The following TLK1 variants were observed in gnomAD, a reference collection of about 807,000 sequenced individuals.
The protein encoded by TLK1 is tousled like kinase 1, also known as serine/threonine-protein kinase tousled-like 1.
Under a neutral mutation model 105.3 loss-of-function variants are expected in TLK1, and 24 were observed. That is an observed-to-expected ratio of 0.23 (90% CI 0.17 to 0.32). The LOEUF (loss-of-function observed/expected upper bound fraction) is 0.32. Ranked by LOEUF, TLK1 falls within the 10% of genes least tolerant of loss-of-function variation. TLK1 has a pLI of 1.00. For synonymous variants in TLK1, 321 were observed against 310.4 expected (o/e 1.03, Z -0.36); for missense variants, 558 against 910.5 (o/e 0.61, Z 4.98).
chr2:171,110,473 TAAAC>T (rs975866723), intron 2 of TLK1, among the ~76,000 whole-genome samples: 21 of 152,058 alleles, frequency 1.4e-4, no homozygotes, highest in African/African-American at 2.4e-4. Context: ...CTCAAAAAAA[TAAAC>T]AAACAGAAAA....
At chr2:171,115,914 T>A (rs900254019) in intron 2 of TLK1, among the ~76,000 whole-genome samples, 3 of 152,342 alleles carry the variant, frequency 2.0e-5, no homozygotes, top group African/African-American at 7.2e-5. Context: ...AAAATTTACC[T>A]GATACAAAGA....
intron 12 of TLK1, among the ~76,000 whole-genome samples, chr2:171,020,041 GAC>G (rs967812559): frequency 6.9e-6 from 1 of 145,610 alleles, no homozygotes; most frequent in African/African-American, 2.5e-5. Flanking sequence ...CAGCCTGGGT[GAC>G]AGAGTAAGAC....
chr2:171,061,647 G>A (rs185631884), intron 3 of TLK1, among the ~76,000 whole-genome samples: 7 of 152,274 alleles, frequency 4.6e-5, no homozygotes, highest in Admixed American at 4.6e-4. Context: ...GTAAATGCCT[G>A]GCAATTATTA....
At chr2:171,209,260 T>C (rs1419353569) in intron 1 of TLK1, among the ~76,000 whole-genome samples, 6 of 152,232 alleles carry the variant, frequency 3.9e-5, no homozygotes, top group Admixed American at 6.5e-5. Flanking sequence ...GGGTTACTTA[T>C]ATGGAACAGG....
At chr2:171,020,841 TAGG>T (rs1685464580) in intron 12 of TLK1, among the ~76,000 whole-genome samples, 1 of 149,780 alleles carries the variant, frequency 6.7e-6, no homozygotes, top group African/African-American at 2.5e-5. Flanking sequence ...GGGAGAAGGG[TAGG>T]AGAAGGAGAA....
rs541568075 is a variant in TLK1, at chr2:171,177,198, G to A, written c.-6+53947C>T. ...ACTCTGTCACCCAGGCTGGAGTGCC[G>A]TGGCCCGATCACAGCTCACTGCAGC... On this transcript the variant is annotated intron_variant, in intron 1 of 20. Transcript: ENST00000521943. Among the ~76,000 whole-genome samples, 20 of 151,846 alleles carry A rather than the reference G, an allele frequency of 1.3e-4. No homozygotes were observed. In the South Asian group the frequency reaches 3.5e-3, roughly 27 times the overall value.
chr2:171,177,112 C>A (rs1692843892), intron 1 of TLK1, among the ~76,000 whole-genome samples: 1 of 151,448 alleles, frequency 6.6e-6, no homozygotes, highest in South Asian at 2.1e-4. Context: ...GGATTACAGG[C>A]ATGAGCCAGT....
chr2:171,204,952 C>CAA (rs1034407977), intron 1 of TLK1, among the ~76,000 whole-genome samples: 3 of 73,768 alleles, frequency 4.1e-5, no homozygotes, highest in African/African-American at 1.5e-4. Flanking sequence ...GACTCCGTCT[C>CAA]AAAAAAAAAA....
At chr2:171,128,816 C>T (rs1235311441) in intron 1 of TLK1, among the ~76,000 whole-genome samples, 1 of 152,008 alleles carries the variant, frequency 6.6e-6, no homozygotes, top group Non-Finnish European at 1.5e-5. Flanking sequence ...GTATTTTATA[C>T]TAGACTGCAT....
At chr2:171,078,766 TTCC>T (rs1688624015) in intron 3 of TLK1, among the ~76,000 whole-genome samples, 1 of 152,216 alleles carries the variant, frequency 6.6e-6, no homozygotes, top group South Asian at 2.1e-4. Flanking sequence ...TCTCAAGTTT[TTCC>T]TCCTAATATT....
At chr2:171,146,600 A>G (rs994032564) in intron 1 of TLK1, among the ~76,000 whole-genome samples, 1 of 152,240 alleles carries the variant, frequency 6.6e-6, no homozygotes, top group Non-Finnish European at 1.5e-5. Context: ...TCTAAGATAC[A>G]GACGTCAAGA....
At chr2:171,063,809 A>G (rs1442863234) in intron 3 of TLK1, among the ~76,000 whole-genome samples, 1 of 152,220 alleles carries the variant, frequency 6.6e-6, no homozygotes, top group African/African-American at 2.4e-5. Context: ...AGAACCATCA[A>G]AATGCTAACA....
intron 20 of TLK1, among the ~76,000 whole-genome samples, chr2:170,995,631 A>T (rs1684020243): frequency 1.3e-5 from 2 of 152,254 alleles, no homozygotes; most frequent in African/African-American, 4.8e-5. Flanking sequence ...ATGTCAGCAC[A>T]GTTAAAATAT....
intron 1 of TLK1, among the ~76,000 whole-genome samples, chr2:171,196,747 A>AT (rs1693283260): frequency 6.6e-6 from 1 of 152,196 alleles, no homozygotes; most frequent in South Asian, 2.1e-4. Context: ...TCTGGAGGCC[A>AT]TTGTCAGCCT....
chr2:171,176,140 A>T (rs1351489532), intron 1 of TLK1, among the ~76,000 whole-genome samples: 1 of 151,964 alleles, frequency 6.6e-6, no homozygotes, highest in East Asian at 1.9e-4. Context: ...GGGTTTCTCC[A>T]TGTTGGTCAG....
chr2:171,028,525 T>A lies in TLK1; in HGVS notation c.1170-120A>T. 4.7e-6 allele frequency: 3 copies of A among 633,428 alleles called. No individual in the cohort carries two copies. In the South Asian group the frequency reaches 6.1e-5, roughly 13 times the overall value. 39.2% of individuals were successfully genotyped at this position (633,428 alleles called of 1,614,324 possible). A position where few individuals can be genotyped will look rare whatever the true frequency, so the allele number is the denominator to read the frequency against. ...TGTGGACAACTTTAAGCCCAAAATG[T>A]ATGAGCCAAAAATCCTTTGAGATAT... On this transcript the variant is annotated intron_variant, in intron 11 of 20. Coordinates refer to ENST00000431350, the MANE Select transcript of TLK1 (RefSeq NM_012290.5).
chr2:171,188,841 C>T (rs1017649205), intron 1 of TLK1, among the ~76,000 whole-genome samples: 2 of 150,420 alleles, frequency 1.3e-5, no homozygotes, highest in Non-Finnish European at 1.5e-5. Flanking sequence ...GGCCACTGCA[C>T]TCCAGCCTAG....
rs1045305 is a variant in TLK1 at position 171,050,115 on chromosome 2, T to C, written c.792A>G (p.Lys264=). The change falls in exon 9 of 21, where the codon AAA becomes AAG. Residue 264 remains lysine (K), a synonymous_variant. Transcript: ENST00000431350. The stretch of plus-strand genomic sequence containing the variant: ...TTGATATGCACTTATTTAATCGTTC[T>C]TTGTATTTTTCAAGTAATTTTTGTT... The part of the protein sequence containing the change: ...DEQQKLLEKY[K]ERLNKCISMS... 29 of 1,599,692 alleles carry C rather than the reference T, an allele frequency of 1.8e-5. No homozygotes were observed. In the South Asian group the frequency reaches 2.9e-4, roughly 16 times the overall value.
intron 1 of TLK1, among the ~76,000 whole-genome samples, chr2:171,134,712 A>T (rs923104094): frequency 2.0e-5 from 3 of 149,818 alleles, no homozygotes; most frequent in African/African-American, 2.5e-5. Flanking sequence ...TATACAATGT[A>T]ATACTATTTG....
Sources: gnomAD v4.1 joint callset for allele counts (sites outside exome capture counted in the v4.1 genomes callset) on GRCh38, gnomAD v4.1.1 for gene constraint, MANE v1.5 for transcripts, NCBI Gene and HGNC (gene_info 2026-07-23, HGNC 2026-07-21) for gene names.